The following SERPINE2 variants were observed in gnomAD, a reference collection of about 807,000 sequenced individuals.
SERPINE2 encodes the protein glia-derived nexin.
A neutral mutation model predicts 36.3 loss-of-function variants in SERPINE2; 14 were observed. The ratio of observed to expected loss-of-function variants is 0.39; its 90% confidence interval spans 0.25 to 0.60. The LOEUF (loss-of-function observed/expected upper bound fraction) is 0.60. Ranked by LOEUF, SERPINE2 falls within the 20% of genes least tolerant of loss-of-function variation. The pLI is 0.57. For synonymous variants in SERPINE2, 192 were observed against 191.8 expected (o/e 1.00, Z -0.01); for missense variants, 418 against 499.6 (o/e 0.84, Z 1.56).
intron 7 of SERPINE2, chr2:223,978,449 T>C (rs942892466): frequency 6.6e-6 from 1 of 152,294 alleles, no homozygotes; most frequent in African/African-American, 2.4e-5. Flanking sequence ...CACTGGAATG[T>C]AGACCACTCA....
rs776882947 is a variant in SERPINE2 at position 223,984,822 on chromosome 2, T to C, written c.814A>G (p.Ile272Val). 2 of 1,614,030 alleles carry C rather than the reference T, an allele frequency of 1.2e-6. No individual in the cohort carries two copies. The highest frequency in any genetic ancestry group is 1.7e-6 in the Non-Finnish European group (2 of 1,180,022). ...STPLSAIIPHISTKTIDSWMS... is the reference protein window; with the variant it reads ...STPLSAIIPHVSTKTIDSWMS... ...CAGCTGTCTATGGTCTTGGTGCTGA[T>C]GTGTGGGATGATGGCAGACAGCGGA... Residue 272 changes from isoleucine to valine, a missense_variant, in exon 5 of 9, where the codon ATC (isoleucine) becomes GTC (valine). Ile to Val is a conservative substitution (Grantham distance 29, BLOSUM62 3). Transcript: ENST00000409304.
chr2:224,011,564 T>C (rs181256779), intron 1 of SERPINE2, among the ~76,000 whole-genome samples: 7 of 152,366 alleles, frequency 4.6e-5, no homozygotes, highest in Non-Finnish European at 4.4e-5. Flanking sequence ...GATATGCCTA[T>C]GGGCCTCCAA....
At position 223,982,872 on chromosome 2, in the gene SERPINE2, A is replaced by G. The variant is rs575513764; in HGVS notation, c.885-91T>C. ...TGCATGTTTACAAACTGATTCTTTT[A>G]AAGTTAATATCTGAATACCGATCTG... is the stretch of plus-strand genomic sequence containing the variant. On this transcript the variant is annotated intron_variant, in intron 5 of 8. Transcript: ENST00000409304. 1.4e-4 allele frequency: 120 copies of G among 856,374 alleles called. 2 individuals carry two copies. In the South Asian group the frequency reaches 1.9e-3, roughly 14 times the overall value. 53.0% of individuals were successfully genotyped at this position (856,374 alleles called of 1,614,324 possible).
At chr2:224,007,358 A>G (rs1227881596) in intron 1 of SERPINE2, among the ~76,000 whole-genome samples, 1 of 152,228 alleles carries the variant, frequency 6.6e-6, no homozygotes, top group African/African-American at 2.4e-5. Flanking sequence ...AAACATACAT[A>G]TATTTTTAAA....
Position 223,975,783 on chromosome 2 carries a change from A to T in SERPINE2, c.*84T>A. 1 of 1,137,998 alleles carries T rather than the reference A, an allele frequency of 8.8e-7. No individual in the cohort carries two copies. 70.5% of individuals were successfully genotyped at this position (1,137,998 alleles called of 1,614,324 possible). A position where few individuals can be genotyped will look rare whatever the true frequency, so the allele number is the denominator to read the frequency against. The stretch of plus-strand genomic sequence containing the variant: ...AAAGAAGCGATGTACAAAAATATTT[A>T]ACAGAACTATGAAAGATGCAGGAAA... On this transcript the variant is annotated 3_prime_UTR_variant, in exon 9 of 9. Transcript: ENST00000409304.
intron 5 of SERPINE2, among the ~76,000 whole-genome samples, chr2:223,983,713 C>T (rs1410640887): frequency 7.1e-6 from 1 of 139,996 alleles, no homozygotes; most frequent in Non-Finnish European, 1.5e-5. Flanking sequence ...CACACACACA[C>T]ACACGTATAT....
rs183490101 is a variant in SERPINE2 at position 224,003,771 on chromosome 2, G to A, written c.-22-1849C>T. Among the ~76,000 whole-genome samples, 3 of 152,324 alleles carry A rather than the reference G, an allele frequency of 2.0e-5. No homozygotes were observed. In the East Asian group the frequency reaches 5.8e-4, roughly 29 times the overall value. On this transcript the variant is annotated intron_variant, in intron 1 of 8. Coordinates refer to ENST00000409304, the MANE Select transcript of SERPINE2 (RefSeq NM_001136528.2). Reference sequence around the variant, plus strand: ...TGTTGCTAATTCAGTTCTTCCCCAAGAGGCCCAAGCTCCTGCTAAGCACAG... The same window carrying A: ...TGTTGCTAATTCAGTTCTTCCCCAAAAGGCCCAAGCTCCTGCTAAGCACAG...
At chr2:223,978,839 T>G (rs964550071) in intron 7 of SERPINE2, 2 of 152,262 alleles carry the variant, frequency 1.3e-5, no homozygotes, top group South Asian at 4.1e-4. Context: ...CCCAAACCCC[T>G]AACGTAACTG....
intron 1 of SERPINE2, among the ~76,000 whole-genome samples, chr2:224,015,011 G>A (rs1691751766): frequency 6.6e-6 from 1 of 151,688 alleles, no homozygotes; most frequent in Non-Finnish European, 1.5e-5. Context: ...CACTAGGTGG[G>A]GGCCAGGGAG....
intron 7 of SERPINE2, 32 bp downstream of exon 7, chr2:223,980,279 G>C: frequency 6.4e-7 from 1 of 1,557,130 alleles, no homozygotes; most frequent in Non-Finnish European, 8.9e-7. Flanking sequence ...TCCCCTGCTA[G>C]AGGAAGCCCT....
At chr2:224,023,796 G>C (rs535182872) in intron 1 of SERPINE2, among the ~76,000 whole-genome samples, 1 of 152,310 alleles carries the variant, frequency 6.6e-6, no homozygotes, top group East Asian at 1.9e-4. Flanking sequence ...GTAATCCTGT[G>C]ACACTGGGTA....
At chr2:224,038,423 T>C in intron 1 of SERPINE2, 1 of 1,350,500 alleles carries the variant, frequency 7.4e-7, no homozygotes, top group Non-Finnish European at 1.0e-6. Context: ...CCTTCCCCGC[T>C]CAGTTTGTGG....
chr2:224,002,562 G>A (rs1177340885), intron 1 of SERPINE2, among the ~76,000 whole-genome samples: 2 of 149,816 alleles, frequency 1.3e-5, no homozygotes, highest in African/African-American at 2.5e-5. Context: ...GCGCAATCTC[G>A]GCTCACTGCA....
At chr2:223,989,470 G>T (rs539942057) in intron 4 of SERPINE2, among the ~76,000 whole-genome samples, 1 of 152,354 alleles carries the variant, frequency 6.6e-6, no homozygotes, top group South Asian at 2.1e-4. Context: ...TGAGGAAACA[G>T]GCAGAAAATG....
chr2:224,018,039 T>TG (rs1230290499), intron 1 of SERPINE2, among the ~76,000 whole-genome samples: 2 of 152,252 alleles, frequency 1.3e-5, no homozygotes, highest in Non-Finnish European at 2.9e-5. Flanking sequence ...TATGTGACTT[T>TG]ATCAGACTTT....
chr2:224,009,920 T>A (rs746428315), intron 1 of SERPINE2, among the ~76,000 whole-genome samples: 27 of 152,214 alleles, frequency 1.8e-4, no homozygotes, highest in Non-Finnish European at 3.5e-4. Context: ...CAGTAATTGT[T>A]AATGTACAAG....
intron 1 of SERPINE2, among the ~76,000 whole-genome samples, chr2:224,009,724 C>A (rs1691558883): frequency 6.6e-6 from 1 of 151,878 alleles, no homozygotes; most frequent in African/African-American, 2.4e-5. Context: ...AACAAATGTA[C>A]AGGCAAGGTT....
chr2:224,030,146 A>T, intron 1 of SERPINE2: 1 of 985,466 alleles, frequency 1.0e-6, no homozygotes, highest in South Asian at 4.7e-5. Context: ...TGGAGTCAGA[A>T]GGAGGTTATT....
chr2:224,012,667 T>A (rs1182575411), intron 1 of SERPINE2, among the ~76,000 whole-genome samples: 1 of 152,094 alleles, frequency 6.6e-6, no homozygotes, highest in Admixed American at 6.5e-5. Flanking sequence ...TTAAAATATC[T>A]ATATAGTTAT....
Sources: gnomAD v4.1 joint callset for allele counts (sites outside exome capture counted in the v4.1 genomes callset) on GRCh38, gnomAD v4.1.1 for gene constraint, MANE v1.5 for transcripts, NCBI Gene and HGNC (gene_info 2026-07-23, HGNC 2026-07-21) for gene names.